Variants in SIRT5 observed in about 807,000 individuals in gnomAD.
SIRT5 encodes NAD-dependent protein deacylase sirtuin-5, mitochondrial.
Under a neutral mutation model 40.0 loss-of-function variants are expected in SIRT5, and 26 were observed. That is an observed-to-expected ratio of 0.65 (90% CI 0.48 to 0.90). The LOEUF is 0.90. Among genes scored for constraint, SIRT5 ranks in the 40% least tolerant of loss-of-function variants. SIRT5 has a pLI of 0.00. For missense variants in SIRT5, 401 were observed against 402.4 expected (o/e 1.00, Z 0.03); for synonymous variants, 146 against 149.1 (o/e 0.98, Z 0.15).
chr6:13,577,293 A>T (rs1279740717), intron 1 of SIRT5, among the ~76,000 whole-genome samples: 1 of 152,076 alleles, frequency 6.6e-6, no homozygotes, highest in African/African-American at 2.4e-5. Context: ...AACATGGGAT[A>T]CCTTTTTACT....
At chr6:13,580,156 C>T (rs749806851) in intron 2 of SIRT5, among the ~76,000 whole-genome samples, 4 of 152,216 alleles carry the variant, frequency 2.6e-5, no homozygotes, top group Admixed American at 6.5e-5. Flanking sequence ...TTTAGGCAGC[C>T]AGACAGCCTT....
chr6:13,605,871 T>C (rs1001935402), intron 9 of SIRT5: 20 of 962,146 alleles, frequency 2.1e-5, no homozygotes, highest in Non-Finnish European at 2.5e-5. Flanking sequence ...TTTGGCCCAC[T>C]GTGCCCTGCA....
intron 7 of SIRT5, among the ~76,000 whole-genome samples, chr6:13,598,189 CTG>C (rs1266754276): frequency 1.3e-5 from 2 of 152,128 alleles, no homozygotes; most frequent in African/African-American, 4.8e-5. Context: ...TGGAGGATTC[CTG>C]TGATGCAGGA....
At position 13,609,547 on chromosome 6, in the gene SIRT5, T is replaced by G. The variant is rs572359142; in HGVS notation, c.858-2243T>G. Among the ~76,000 whole-genome samples the G allele has an allele frequency of 2.6e-5, 4 of 152,314 alleles. No individual in the cohort carries two copies. The South Asian group carries it at 8.3e-4, about 32-fold the overall frequency. On this transcript the variant is annotated intron_variant, in intron 9 of 9. Transcript: ENST00000606117. ...AAGTTTAGATCAACGTGGAATGTTG[T>G]GTCCAGAAATCCCTTATCTGAAGCT...
chr6:13,597,558 T>C (rs1761745736), intron 7 of SIRT5, among the ~76,000 whole-genome samples: 1 of 152,184 alleles, frequency 6.6e-6, no homozygotes, highest in Non-Finnish European at 1.5e-5. Context: ...TATTTTATTT[T>C]TTTTTGAGAT....
intron 9 of SIRT5, among the ~76,000 whole-genome samples, chr6:13,608,573 G>T (rs982801875): frequency 2.7e-5 from 4 of 149,440 alleles, no homozygotes; most frequent in African/African-American, 9.9e-5. Flanking sequence ...GTGACACAGT[G>T]AGACTCTGTC....
chr6:13,597,062 A>C (rs761824647), intron 7 of SIRT5, 46 bp downstream of exon 7: 2 of 1,456,612 alleles, frequency 1.4e-6, no homozygotes, highest in Admixed American at 2.1e-5. Flanking sequence ...GGTTACCAAA[A>C]CAAAAAAAAA....
intron 9 of SIRT5, chr6:13,605,410 A>C: frequency 1.0e-6 from 1 of 985,376 alleles, no homozygotes; most frequent in Non-Finnish European, 1.2e-6. Flanking sequence ...TTACGGAGAA[A>C]AAAAAAATGG....
intron 4 of SIRT5, among the ~76,000 whole-genome samples, chr6:13,590,753 TTGTG>T (rs1168016089): frequency 6.6e-6 from 1 of 151,524 alleles, no homozygotes; most frequent in African/African-American, 2.4e-5. Context: ...GTATGTACAG[TTGTG>T]TGTATGTAGA....
Position 13,601,807 on chromosome 6 carries a change from G to C in SIRT5, c.857+858G>C, listed in dbSNP as rs1162237767. Among the ~76,000 whole-genome samples, 5 of 151,178 alleles carry C rather than the reference G, an allele frequency of 3.3e-5. No individual in the cohort carries two copies. In the South Asian group the frequency reaches 8.4e-4, roughly 25 times the overall value. The stretch of plus-strand genomic sequence containing the variant: ...GTGATTCCTGTGTGCAGCCAGGATA[G>C]GAACCACTCTTCTAAGTCTTTGCTG... On this transcript the variant is annotated intron_variant, in intron 9 of 9. Coordinates refer to ENST00000606117, the MANE Select transcript of SIRT5 (RefSeq NM_012241.5).
chr6:13,581,911 C>T (rs1759388831), intron 2 of SIRT5, among the ~76,000 whole-genome samples: 1 of 152,180 alleles, frequency 6.6e-6, no homozygotes, highest in Non-Finnish European at 1.5e-5. Flanking sequence ...ATGAGGGACT[C>T]CTGCTTGGCC....
intron 9 of SIRT5, among the ~76,000 whole-genome samples, chr6:13,602,793 T>C (rs994300976): frequency 3.3e-5 from 5 of 152,192 alleles, no homozygotes; most frequent in Admixed American, 1.3e-4. Flanking sequence ...AAATGGATCA[T>C]AGACCTAAAT....
chr6:13,600,983 G>T, intron 9 of SIRT5, 34 bp downstream of exon 9: 1 of 1,520,228 alleles, frequency 6.6e-7, no homozygotes, highest in East Asian at 2.3e-5. Context: ...AGGGAGATGT[G>T]GGAGGCAGGT....
At chr6:13,595,776 C>G (rs1186537474) in intron 6 of SIRT5, among the ~76,000 whole-genome samples, 4 of 152,052 alleles carry the variant, frequency 2.6e-5, no homozygotes, top group Admixed American at 2.6e-4. Context: ...AGTTCAAGAC[C>G]AGCCTGGGCA....
chr6:13,582,214 C>T (rs1275225243), intron 2 of SIRT5, among the ~76,000 whole-genome samples: 1 of 152,186 alleles, frequency 6.6e-6, no homozygotes, highest in Non-Finnish European at 1.5e-5. Flanking sequence ...GCTCTAATCT[C>T]CTTACATAGC....
In SIRT5 at chr6:13,600,860, A is replaced by G. The variant is rs772347153; in HGVS notation, c.768A>G (p.Pro256=). 2.5e-6 allele frequency: 4 copies of G among 1,613,958 alleles called. No individual in the cohort carries two copies. Among genetic ancestry groups the G allele is most frequent in the Non-Finnish European group, 3.4e-6 (4 of 1,179,992 alleles). The change falls in exon 9 of 10, where the codon CCA becomes CCG. Residue 256 remains proline (P), a synonymous_variant. Coordinates refer to ENST00000606117, the MANE Select transcript of SIRT5 (RefSeq NM_012241.5). ...LVVGTSSVVY[P]AAMFAPQVAA... ...TGGGCACTTCCTCTGTGGTGTACCCAGCAGCCATGTTTGCCCCCCAGGTGG... is the reference window on the plus strand; with the variant it reads ...TGGGCACTTCCTCTGTGGTGTACCCGGCAGCCATGTTTGCCCCCCAGGTGG...
rs1193305780 is a variant in SIRT5 at position 13,614,377 on chromosome 6, C to G, written c.*2512C>G. 6.6e-6 allele frequency: 1 copy of G among 152,174 alleles called. No individual in the cohort carries two copies. 9.4% of individuals were successfully genotyped at this position (152,174 alleles called of 1,614,324 possible). On this transcript the variant is annotated 3_prime_UTR_variant, in exon 10 of 10. Transcript: ENST00000606117. The stretch of plus-strand genomic sequence containing the variant: ...TTTGAAGTATAAAAAGGACTTCTAC[C>G]TGGGGGGCTGCGGCAGTAGAGGGAA...
chr6:13,613,113 A>G lies in SIRT5; in HGVS notation c.*1248A>G, dbSNP rs996027758. The G allele has an allele frequency of 1.3e-5, 2 of 152,304 alleles. No individual in the cohort carries two copies. Among genetic ancestry groups the G allele is most frequent in the African/African-American group, 2.4e-5 (1 of 41,458 alleles). 9.4% of individuals were successfully genotyped at this position (152,304 alleles called of 1,614,324 possible). A position where few individuals can be genotyped will look rare whatever the true frequency, so the allele number is the denominator to read the frequency against. On this transcript the variant is annotated 3_prime_UTR_variant, in exon 10 of 10. Transcript: ENST00000606117. ...GTGGTCCAGTGGCCGCGGGCTGGAC[A>G]GAACTGCAACCACTTATAAAAAGCA... is the stretch of plus-strand genomic sequence containing the variant.
At chr6:13,585,564 A>G (rs1362724111) in intron 3 of SIRT5, among the ~76,000 whole-genome samples, 1 of 152,178 alleles carries the variant, frequency 6.6e-6, no homozygotes, top group East Asian at 1.9e-4. Context: ...CCTGCAAAGG[A>G]CATGAACTCA....
Sources: gnomAD v4.1 joint callset for allele counts (sites outside exome capture counted in the v4.1 genomes callset) on GRCh38, gnomAD v4.1.1 for gene constraint, MANE v1.5 for transcripts, NCBI Gene and HGNC (gene_info 2026-07-23, HGNC 2026-07-21) for gene names.